KIAA1217: variants seen among roughly 807,000 people sequenced by gnomAD.
KIAA1217 encodes the protein sickle tail protein homolog.
Under a neutral mutation model 163.9 loss-of-function variants are expected in KIAA1217, and 88 were observed. That is an observed-to-expected ratio of 0.54 (90% CI 0.45 to 0.64). KIAA1217 has a LOEUF of 0.64. Ranked by LOEUF, KIAA1217 falls within the 30% of genes least tolerant of loss-of-function variation. The pLI, the probability that KIAA1217 is intolerant of heterozygous loss-of-function variation, is 0.00. For missense variants in KIAA1217, 2,372 were observed against 2,475.0 expected, an observed-to-expected ratio of 0.96 and a Z score of 0.88; for synonymous variants, 903 against 923.1, an observed-to-expected ratio of 0.98 and a Z score of 0.39.
chr10:23,835,752 A>C (rs1205681793), intron 1 of KIAA1217, among the ~76,000 whole-genome samples: 48 of 151,148 alleles, frequency 3.2e-4, no homozygotes, highest in Admixed American at 3.2e-3. Flanking sequence ...TTTTTTTTCT[A>C]TCCCATTTCA....
At chr10:24,115,267 G>A (rs1451154272) in intron 2 of KIAA1217, among the ~76,000 whole-genome samples, 1 of 152,196 alleles carries the variant, frequency 6.6e-6, no homozygotes, top group African/African-American at 2.4e-5. Flanking sequence ...TGACAGATTG[G>A]TACATTTTTT....
At chr10:24,519,698 T>C (rs2070777552) in intron 10 of KIAA1217, among the ~76,000 whole-genome samples, 1 of 152,152 alleles carries the variant, frequency 6.6e-6, no homozygotes, top group Non-Finnish European at 1.5e-5. Flanking sequence ...AAAAGCCTGA[T>C]ATTAACCACT....
intron 3 of KIAA1217, among the ~76,000 whole-genome samples, chr10:24,399,702 C>G (rs1403352167): frequency 6.6e-6 from 1 of 152,064 alleles, no homozygotes. Flanking sequence ...GTGGATAATG[C>G]TTCAGAAAGA....
intron 2 of KIAA1217, among the ~76,000 whole-genome samples, chr10:24,251,996 G>A (rs1414682): frequency 0.71 from 107,917 of 151,186 alleles, 38,776 homozygotes; most frequent in Admixed American, 0.79. Context: ...CATCGTAGCA[G>A]GAATAAGGGA....
chr10:23,852,778 T>C (rs1249856315), intron 1 of KIAA1217, among the ~76,000 whole-genome samples: 1 of 152,158 alleles, frequency 6.6e-6, no homozygotes, highest in Non-Finnish European at 1.5e-5. Flanking sequence ...TTTGAAGCAA[T>C]TGTGAATGGG....
intron 2 of KIAA1217, among the ~76,000 whole-genome samples, chr10:24,033,742 T>C (rs1240245731): frequency 2.6e-5 from 4 of 152,248 alleles, no homozygotes; most frequent in Non-Finnish European, 5.9e-5. Flanking sequence ...TGGCTGCTAC[T>C]GAACAGGTGT....
Position 24,246,842 on chromosome 10 carries a change from G to A in KIAA1217, c.354+26933G>A, listed in dbSNP as rs577452411. On this transcript the variant is annotated intron_variant, in intron 2 of 20. Coordinates refer to ENST00000376454, the MANE Select transcript of KIAA1217 (RefSeq NM_019590.5). Reference sequence around the variant, plus strand: ...CAGCCTGGCCAACATGGCGAAACCCGATCTCTACTAAAAATATAAAAATTA... The same window carrying A: ...CAGCCTGGCCAACATGGCGAAACCCAATCTCTACTAAAAATATAAAAATTA... Among the ~76,000 whole-genome samples, 371 of 151,960 alleles carry A rather than the reference G, an allele frequency of 2.4e-3. 2 individuals are homozygous for A. Among genetic ancestry groups the A allele is most frequent in the Non-Finnish European group, 4.1e-3 (277 of 67,968 alleles).
intron 2 of KIAA1217, among the ~76,000 whole-genome samples, chr10:24,034,759 C>G (rs1287518282): frequency 6.6e-6 from 1 of 152,114 alleles, no homozygotes; most frequent in Non-Finnish European, 1.5e-5. Flanking sequence ...TCCCCACTGA[C>G]CTTTGCAGAG....
In KIAA1217 at chr10:23,955,320, A is replaced by T. The variant is rs76875130; in HGVS notation, c.-320-51905A>T. Among the ~76,000 whole-genome samples, 1,028 of 152,326 alleles carry T rather than the reference A, an allele frequency of 6.7e-3. 9 individuals carry two copies. The highest frequency in any genetic ancestry group is 0.011 in the Non-Finnish European group (724 of 68,028). On this transcript the variant is annotated intron_variant, in intron 1 of 18. Transcript: ENST00000376462. ...GTGCAATGCATGCCTATTTTAGGGC[A>T]AATACATGTCGTTATCACTTTTCTA...
intron 2 of KIAA1217, among the ~76,000 whole-genome samples, chr10:24,378,004 C>G (rs900793909): frequency 6.6e-6 from 1 of 152,270 alleles, no homozygotes; most frequent in Non-Finnish European, 1.5e-5. Context: ...TGGCTGCTGT[C>G]TTATCTTTTG....
intron 16 of KIAA1217, among the ~76,000 whole-genome samples, chr10:24,534,642 G>A (rs1333977108): frequency 6.6e-6 from 1 of 152,024 alleles, no homozygotes; most frequent in African/African-American, 2.4e-5. Context: ...CACTTTGGGA[G>A]GCTGAGGCGG....
chr10:24,079,170 A>G (rs974557811), intron 2 of KIAA1217, among the ~76,000 whole-genome samples: 5 of 152,222 alleles, frequency 3.3e-5, no homozygotes, highest in Admixed American at 6.5e-5. Flanking sequence ...AGTAGCCACA[A>G]TGTGCAGGGA....
At chr10:24,520,063 T>A in intron 10 of KIAA1217, 60 bp from the exon 11 acceptor site, 1 of 1,513,586 alleles carries the variant, frequency 6.6e-7, no homozygotes, top group Non-Finnish European at 8.9e-7. Flanking sequence ...ACTCGGCCCC[T>A]CCTCTTCCTC....
intron 1 of KIAA1217, among the ~76,000 whole-genome samples, chr10:23,789,205 C>A (rs1835625202): frequency 6.6e-6 from 1 of 152,114 alleles, no homozygotes; most frequent in East Asian, 1.9e-4. Flanking sequence ...GCTAAGGCAT[C>A]AGTATTAGAG....
At chr10:24,388,009 C>T (rs1462796712) in intron 3 of KIAA1217, among the ~76,000 whole-genome samples, 2 of 152,148 alleles carry the variant, frequency 1.3e-5, no homozygotes, top group African/African-American at 2.4e-5. Context: ...AATGCCATCC[C>T]CATCAAGCTA....
intron 1 of KIAA1217, among the ~76,000 whole-genome samples, chr10:23,791,434 T>C (rs1835947153): frequency 1.3e-5 from 2 of 152,222 alleles, no homozygotes; most frequent in Non-Finnish European, 2.9e-5. Flanking sequence ...CATTATTTTA[T>C]TCCTAAATAC....
intron 1 of KIAA1217, among the ~76,000 whole-genome samples, chr10:23,893,044 T>C (rs923010891): frequency 1.3e-5 from 2 of 152,058 alleles, no homozygotes; most frequent in African/African-American, 2.4e-5. Context: ...TTCTATTGAT[T>C]GGAATAGTTT....
chr10:24,066,854 T>C, intron 2 of KIAA1217, among the ~76,000 whole-genome samples: 1 of 152,198 alleles, frequency 6.6e-6, no homozygotes, highest in African/African-American at 2.4e-5. Flanking sequence ...TTTTATTCTT[T>C]TTTCTCTAAA....
rs74501998 is a variant in KIAA1217 at position 23,803,396 on chromosome 10, C to T, written c.-321+108162C>T. 2.7e-3 allele frequency among the ~76,000 whole-genome samples: 408 copies of T among 152,334 alleles called. 2 individuals are homozygous for T. Among genetic ancestry groups the T allele is most frequent in the African/African-American group, 9.2e-3 (384 of 41,578 alleles). ...GCCCCACACCAGGGGCAGCCCCCGT[C>T]CTATGACCGCTCAAGGCAGGGTGCC... On this transcript the variant is annotated intron_variant, in intron 1 of 18. Transcript: ENST00000376462.
Sources: gnomAD v4.1 joint callset for allele counts (sites outside exome capture counted in the v4.1 genomes callset) on GRCh38, gnomAD v4.1.1 for gene constraint, MANE v1.5 for transcripts, NCBI Gene and HGNC (gene_info 2026-07-23, HGNC 2026-07-21) for gene names.